The following CELF2 variants were observed in gnomAD, a reference collection of about 807,000 sequenced individuals.
CELF2 encodes CUG triplet repeat RNA-binding protein 2.
In CELF2, 8 loss-of-function variants were observed where a neutral mutation model predicts 62.6. The ratio of observed to expected loss-of-function variants is 0.13; its 90% CI spans 0.07 to 0.23. The LOEUF is 0.23. Ranked by LOEUF, CELF2 falls within the 10% of genes least tolerant of loss-of-function variation. CELF2 has a pLI of 1.00. For synonymous variants in CELF2, 258 were observed against 250.0 expected, an observed-to-expected ratio of 1.03 and a Z score of -0.30; for missense variants, 333 against 671.0, an observed-to-expected ratio of 0.50 and a Z score of 5.56.
At chr10:11,086,746 T>C (rs1036483497) in intron 1 of CELF2, among the ~76,000 whole-genome samples, 5 of 152,174 alleles carry the variant, frequency 3.3e-5, no homozygotes, top group Admixed American at 6.5e-5. Flanking sequence ...AATCAGCTAT[T>C]ATTCCTAATC....
chr10:10,966,737 G>C (rs1040066790), intron 2 of CELF2: 1 of 152,228 alleles, frequency 6.6e-6, no homozygotes, highest in African/African-American at 2.4e-5. Context: ...ACCAGAGGCT[G>C]GCCTGAATCA....
At chr10:10,645,871 G>A in the CELF2 span, among the ~76,000 whole-genome samples, 1 of 152,178 alleles carries the variant, frequency 6.6e-6, no homozygotes, top group East Asian at 1.9e-4. Context: ...ACTCTATTTT[G>A]TGATTCCATG....
chr10:11,052,057 T>A (rs1216451394), intron 1 of CELF2, among the ~76,000 whole-genome samples: 1 of 152,034 alleles, frequency 6.6e-6, no homozygotes, highest in Non-Finnish European at 1.5e-5. Context: ...AGGTGTGCAA[T>A]GCCACGCTGG....
intron 2 of CELF2, among the ~76,000 whole-genome samples, chr10:10,959,555 A>G (rs2049265076): frequency 1.3e-5 from 2 of 152,232 alleles, no homozygotes; most frequent in African/African-American, 2.4e-5. Flanking sequence ...CAACTGGGTG[A>G]CTTGTCCACC....
At chr10:11,055,568 A>G (rs1016620496) in intron 1 of CELF2, among the ~76,000 whole-genome samples, 2 of 152,206 alleles carry the variant, frequency 1.3e-5, no homozygotes, top group Non-Finnish European at 2.9e-5. Flanking sequence ...AGTGACTGGG[A>G]TAGATGTTCT....
At chr10:10,874,357 CTG>C (rs1419991781) in intron 1 of CELF2, among the ~76,000 whole-genome samples, 1 of 151,370 alleles carries the variant, frequency 6.6e-6, no homozygotes, top group Admixed American at 6.6e-5. Context: ...CAAAGAGACT[CTG>C]TCTCTTGAAA....
rs115377767 is a variant in CELF2 at position 10,868,950 on chromosome 10, C to T, written c.54-51014C>T. Among the ~76,000 whole-genome samples, 1,085 of 152,286 alleles carry T rather than the reference C, an allele frequency of 7.1e-3. 14 individuals are homozygous for T. The highest frequency in any genetic ancestry group is 0.025 in the African/African-American group (1,027 of 41,558). ...CCCCCATCCTAGCATGTTTCTTTCTCGACTACAGAACTAATTAATGTGTAC... is the reference window on the plus strand; with the variant it reads ...CCCCCATCCTAGCATGTTTCTTTCTTGACTACAGAACTAATTAATGTGTAC... On this transcript the variant is annotated intron_variant, in intron 1 of 13. Coordinates refer to the CELF2 transcript ENST00000636488.
intron 1 of CELF2, among the ~76,000 whole-genome samples, chr10:11,137,105 C>T (rs1256875189): frequency 6.6e-6 from 1 of 152,094 alleles, no homozygotes; most frequent in Non-Finnish European, 1.5e-5. Flanking sequence ...TATGCACATG[C>T]ACATGTGAAA....
chr10:10,517,783 C>A, the CELF2 span, among the ~76,000 whole-genome samples: 1 of 152,200 alleles, frequency 6.6e-6, no homozygotes, highest in South Asian at 2.1e-4. Context: ...TGAAGCTTGT[C>A]CAAAAGCAAT....
the CELF2 span, among the ~76,000 whole-genome samples, chr10:10,469,025 C>G: frequency 6.6e-6 from 1 of 151,812 alleles, no homozygotes; most frequent in Non-Finnish European, 1.5e-5. Flanking sequence ...AATGGAAATC[C>G]ATGCATAATG....
the CELF2 span, among the ~76,000 whole-genome samples, chr10:10,690,984 C>A: frequency 2.0e-5 from 3 of 151,300 alleles, no homozygotes; most frequent in African/African-American, 7.3e-5. Flanking sequence ...AGGGAAATCG[C>A]CATATTCCTA....
chr10:11,184,848 C>T, intron 2 of CELF2, among the ~76,000 whole-genome samples: 1 of 152,322 alleles, frequency 6.6e-6, no homozygotes, highest in African/African-American at 2.4e-5. Flanking sequence ...GACAGTTCTA[C>T]TTCTTTTCCA....
intron 1 of CELF2, among the ~76,000 whole-genome samples, chr10:11,057,658 C>A (rs1456341901): frequency 1.3e-5 from 2 of 152,004 alleles, no homozygotes; most frequent in Non-Finnish European, 2.9e-5. Flanking sequence ...TTTTTCCCCC[C>A]GATGAAGTAC....
At chr10:10,913,964 G>A (rs974271858) in intron 1 of CELF2, among the ~76,000 whole-genome samples, 1 of 150,720 alleles carries the variant, frequency 6.6e-6, no homozygotes, top group African/African-American at 2.4e-5. Flanking sequence ...AAGGAAAAAG[G>A]GAAAGGAAGG....
chr10:10,748,014 G>A, the CELF2 span, among the ~76,000 whole-genome samples: 1 of 152,186 alleles, frequency 6.6e-6, no homozygotes, highest in African/African-American at 2.4e-5. Context: ...ATAGATAGGA[G>A]CTTAAAACGT....
At position 11,333,984 on chromosome 10, in the gene CELF2, G is replaced by A. The variant is rs2096074853; in HGVS notation, c.*4931G>A. On this transcript the variant is annotated 3_prime_UTR_variant, in exon 13 of 13. Transcript: ENST00000633077. ...TTTCGGGTTGATTGATTGATTGATT[G>A]ATAGAAAGAAAGTTGCTTTTCTTTT... 1 of 152,268 alleles carries A rather than the reference G, an allele frequency of 6.6e-6. No homozygotes were observed. The highest frequency in any genetic ancestry group is 1.5e-5 in the Non-Finnish European group (1 of 68,014). 9.4% of individuals were successfully genotyped at this position (152,268 alleles called of 1,614,324 possible). A position where few individuals can be genotyped will look rare whatever the true frequency, so the allele number is the denominator to read the frequency against.
Position 11,318,868 on chromosome 10 carries a change from C to T in CELF2, c.1097-2321C>T, listed in dbSNP as rs766318093. 44 of 471,190 alleles carry T rather than the reference C, an allele frequency of 9.3e-5. 1 individual carries two copies. Among genetic ancestry groups the T allele is most frequent in the Admixed American group, 3.3e-4 (14 of 42,594 alleles). The allele number at this position is 471,190 out of a possible 1,614,324, so 29.2% of individuals were successfully genotyped here. On this transcript the variant is annotated intron_variant, in intron 10 of 12. Coordinates refer to ENST00000633077, the MANE Select transcript of CELF2 (RefSeq NM_001326342.2). This position sits in a 1 kb window ranked among gnomAD's most constrained non-coding sequence, Gnocchi z 5.4. ...AAGCCGAGTCGTGGAGGCTGCACAT[C>T]GCAGGAAGGATCCCCCGTGGGTCTC...
chr10:10,558,879 T>C, the CELF2 span, among the ~76,000 whole-genome samples: 1 of 152,088 alleles, frequency 6.6e-6, no homozygotes, highest in Non-Finnish European at 1.5e-5. Flanking sequence ...CACATGTGAC[T>C]GAGCTTATTA....
At chr10:11,152,853 T>C (rs192409854) in intron 1 of CELF2, among the ~76,000 whole-genome samples, 1 of 152,332 alleles carries the variant, frequency 6.6e-6, no homozygotes, top group East Asian at 1.9e-4. Flanking sequence ...CTGTGGACTC[T>C]GGCAATCCCA....
Sources: allele counts gnomAD v4.1 joint callset (sites outside exome capture counted in the v4.1 genomes callset), GRCh38; gene constraint gnomAD v4.1.1; non-coding constraint Gnocchi (gnomAD v3.1); transcripts MANE v1.5; gene names NCBI Gene and HGNC (gene_info 2026-07-23, HGNC 2026-07-21).